The following PRELID2 variants were observed in gnomAD, a reference collection of about 807,000 sequenced individuals.
PRELID2 encodes PRELI domain-containing protein 2.
A neutral mutation model predicts 28.4 loss-of-function variants in PRELID2; 25 were observed. The observed-to-expected ratio is 0.88, with a 90% CI of 0.64 to 1.23. PRELID2 has a LOEUF of 1.23. Ranked by LOEUF, PRELID2 falls within the 50% of genes most tolerant of loss-of-function variation. The probability of loss-of-function intolerance (pLI) is 0.00; values close to 1 mark genes in which losing one functional copy is unlikely to be tolerated. For missense variants in PRELID2, 201 were observed against 214.4 expected (o/e 0.94, Z 0.39); for synonymous variants, 76 against 71.6 (o/e 1.06, Z -0.31).
intron 5 of PRELID2, among the ~76,000 whole-genome samples, chr5:145,793,276 A>G (rs1253974622): frequency 6.6e-6 from 1 of 152,160 alleles, no homozygotes; most frequent in African/African-American, 2.4e-5. Context: ...ATTTACAAAC[A>G]TAAAAATATA....
chr5:145,710,349 T>C (rs1755660181), intron 1 of PRELID2, among the ~76,000 whole-genome samples: 2 of 152,220 alleles, frequency 1.3e-5, no homozygotes, highest in Admixed American at 1.3e-4. Context: ...TTTTCCCAAG[T>C]GCTATCTAAA....
At chr5:145,287,161 T>C in the PRELID2 span, among the ~76,000 whole-genome samples, 2 of 152,208 alleles carry the variant, frequency 1.3e-5, no homozygotes, top group Non-Finnish European at 2.9e-5. Flanking sequence ...TGCCTGAAAC[T>C]GCATTCATTT....
chr5:145,508,257 C>CAGAT (rs58785072), intron 1 of PRELID2, among the ~76,000 whole-genome samples: 37,565 of 149,414 alleles, frequency 0.25, 4,724 homozygotes, highest in South Asian at 0.31. Context: ...TTTGCATAGA[C>CAGAT]AGATAGATAG....
chr5:145,297,945 A>T, the PRELID2 span, among the ~76,000 whole-genome samples: 1 of 152,158 alleles, frequency 6.6e-6, no homozygotes, highest in African/African-American at 2.4e-5. Context: ...GAGAACTACA[A>T]ACCACTGCTC....
intron 1 of PRELID2, among the ~76,000 whole-genome samples, chr5:145,702,500 T>G (rs1242583689): frequency 2.0e-5 from 3 of 152,224 alleles, no homozygotes; most frequent in Admixed American, 2.0e-4. Context: ...CCTTGCAAAA[T>G]GCATCAGGAT....
At chr5:145,589,660 C>G (rs1413041663) in intron 1 of PRELID2, among the ~76,000 whole-genome samples, 1 of 151,918 alleles carries the variant, frequency 6.6e-6, no homozygotes, top group Non-Finnish European at 1.5e-5. Flanking sequence ...CTTTTCTGGC[C>G]TCATTGATTA....
chr5:145,759,668 C>T lies in PRELID2; in HGVS notation c.*868G>A, dbSNP rs1447362687. The T allele has an allele frequency of 6.6e-6, 1 of 152,186 alleles. No individual in the cohort carries two copies. Among genetic ancestry groups the T allele is most frequent in the East Asian group, 1.9e-4 (1 of 5,190 alleles). 9.4% of individuals were successfully genotyped at this position (152,186 alleles called of 1,614,324 possible). On this transcript the variant is annotated 3_prime_UTR_variant, in exon 7 of 7. Coordinates refer to ENST00000683046, the MANE Select transcript of PRELID2 (RefSeq NM_205846.3). ...TTCATGATCACTGAGCAAGTAGGTGCCAGCACTTGGATTCAAACCCAGGTC... is the reference window on the plus strand; with the variant it reads ...TTCATGATCACTGAGCAAGTAGGTGTCAGCACTTGGATTCAAACCCAGGTC...
chr5:145,710,483 T>A (rs1383070469), intron 1 of PRELID2, among the ~76,000 whole-genome samples: 3 of 152,200 alleles, frequency 2.0e-5, no homozygotes, highest in Non-Finnish European at 2.9e-5. Flanking sequence ...AAGATTCTGA[T>A]TGCATGATTC....
intron 1 of PRELID2, among the ~76,000 whole-genome samples, chr5:145,644,784 T>C (rs1754168919): frequency 1.3e-5 from 2 of 152,352 alleles, no homozygotes; most frequent in African/African-American, 4.8e-5. Flanking sequence ...CCAGTAGTCA[T>C]TCAGGAGCAG....
chr5:145,426,346 T>C, the PRELID2 span, among the ~76,000 whole-genome samples: 1 of 152,184 alleles, frequency 6.6e-6, no homozygotes, highest in Non-Finnish European at 1.5e-5. Flanking sequence ...GAATGAAGAA[T>C]GGGGAGTGAG....
intron 1 of PRELID2, among the ~76,000 whole-genome samples, chr5:145,692,201 C>T (rs1755165049): frequency 6.6e-6 from 1 of 152,136 alleles, no homozygotes; most frequent in African/African-American, 2.4e-5. Context: ...TATAACAGTG[C>T]TGAGCACATA....
intron 4 of PRELID2, among the ~76,000 whole-genome samples, chr5:145,800,806 T>C (rs551980395): frequency 2.6e-5 from 4 of 152,312 alleles, no homozygotes; most frequent in Non-Finnish European, 2.9e-5. Flanking sequence ...GCACTTTCCC[T>C]CAATAACTCA....
intron 4 of PRELID2, among the ~76,000 whole-genome samples, chr5:145,796,882 G>A (rs902603160): frequency 1.8e-4 from 28 of 152,104 alleles, no homozygotes; most frequent in African/African-American, 6.5e-4. Context: ...AACGACCATA[G>A]TATCTTTCTT....
the PRELID2 span, among the ~76,000 whole-genome samples, chr5:145,329,351 G>A: frequency 0.27 from 40,808 of 151,862 alleles, 5,540 homozygotes; most frequent in South Asian, 0.35. Context: ...ATAGCATTGA[G>A]CCTGTAAATT....
chr5:145,371,982 C>T, the PRELID2 span, among the ~76,000 whole-genome samples: 2 of 150,264 alleles, frequency 1.3e-5, no homozygotes, highest in Admixed American at 1.3e-4. Context: ...TTCTTGTCTT[C>T]TGCTAGCTTT....
At chr5:145,263,111 A>G in the PRELID2 span, among the ~76,000 whole-genome samples, 1 of 152,174 alleles carries the variant, frequency 6.6e-6, no homozygotes. Context: ...GTAAAAATAA[A>G]AAAACTCACC....
rs1757371709 is a variant in PRELID2, at chr5:145,759,490, CT to C, written c.*1045del. On this transcript the variant is annotated 3_prime_UTR_variant, in exon 7 of 7. Transcript: ENST00000683046. ...TGCAAAATGTTTTACATAATAATGGCTTCCATTTCCTGGACTTCTACTATGT... is the reference window on the plus strand; with the variant it reads ...TGCAAAATGTTTTACATAATAATGGCTCCATTTCCTGGACTTCTACTATGT... 1 of 152,204 alleles carries C rather than the reference CT, an allele frequency of 6.6e-6. No homozygotes were observed. The highest frequency in any genetic ancestry group is 1.5e-5 in the Non-Finnish European group (1 of 68,046). 9.4% of individuals were successfully genotyped at this position (152,204 alleles called of 1,614,324 possible).
At chr5:145,743,342 C>T (rs1007707569) in intron 1 of PRELID2, among the ~76,000 whole-genome samples, 2 of 142,142 alleles carry the variant, frequency 1.4e-5, no homozygotes, top group South Asian at 2.3e-4. Context: ...ACCCAAGAGG[C>T]AGAGGCTGCA....
At chr5:145,703,881 A>G (rs1755474737) in intron 1 of PRELID2, 1 of 151,996 alleles carries the variant, frequency 6.6e-6, no homozygotes, top group Non-Finnish European at 1.5e-5. Flanking sequence ...AAATCACAAG[A>G]CTCATTTTAC....
Sources: gnomAD v4.1 joint callset for allele counts (sites outside exome capture counted in the v4.1 genomes callset) on GRCh38, gnomAD v4.1.1 for gene constraint, MANE v1.5 for transcripts, NCBI Gene and HGNC (gene_info 2026-07-23, HGNC 2026-07-21) for gene names.